HS3ST4: variants seen among roughly 807,000 people sequenced by gnomAD.
HS3ST4 encodes the protein heparan sulfate glucosamine 3-O-sulfotransferase 4.
Under a neutral mutation model 29.2 loss-of-function variants are expected in HS3ST4, and 17 were observed. The ratio of observed to expected loss-of-function variants is 0.58; its 90% CI spans 0.40 to 0.87. The LOEUF is 0.87. Among genes scored for constraint, HS3ST4 ranks in the 40% least tolerant of loss-of-function variants. The pLI, the probability that HS3ST4 is intolerant of heterozygous loss-of-function variation, is 0.00. For synonymous variants in HS3ST4, 314 were observed against 285.7 expected (o/e 1.10, Z -1.00); for missense variants, 627 against 634.5 (o/e 0.99, Z 0.13).
At chr16:25,966,013 T>C (rs1295020801) in intron 1 of HS3ST4, among the ~76,000 whole-genome samples, 1 of 152,186 alleles carries the variant, frequency 6.6e-6, no homozygotes, top group Non-Finnish European at 1.5e-5. Flanking sequence ...ATCTCTACTT[T>C]GAAAAATGGT....
chr16:25,895,812 GC>G (rs2141671053), intron 1 of HS3ST4, among the ~76,000 whole-genome samples: 1 of 152,126 alleles, frequency 6.6e-6, no homozygotes, highest in Non-Finnish European at 1.5e-5. Flanking sequence ...ATTCCTGAGG[GC>G]CCCCATGACC....
intron 1 of HS3ST4, among the ~76,000 whole-genome samples, chr16:26,101,012 T>C (rs1328408187): frequency 6.6e-6 from 1 of 152,194 alleles, no homozygotes; most frequent in Non-Finnish European, 1.5e-5. Flanking sequence ...ATCTGCCCCG[T>C]TACTAAAGCC....
At chr16:25,984,708 A>G (rs1039682943) in intron 1 of HS3ST4, among the ~76,000 whole-genome samples, 2 of 152,226 alleles carry the variant, frequency 1.3e-5, no homozygotes, top group Non-Finnish European at 2.9e-5. Context: ...AATGCCCTCC[A>G]GTTCCATCCA....
intron 1 of HS3ST4, chr16:26,062,874 C>T: frequency 3.8e-6 from 1 of 264,152 alleles, no homozygotes; most frequent in South Asian, 5.0e-5. Context: ...ACTACATATT[C>T]TGGCACCAAA....
intron 1 of HS3ST4, chr16:26,025,238 G>A (rs1284632230): frequency 2.6e-5 from 4 of 154,632 alleles, no homozygotes; most frequent in Admixed American, 6.5e-5. Flanking sequence ...GCCTAGTTAG[G>A]TTGGTGCAAA....
chr16:25,716,678 C>T (rs1009643917), intron 1 of HS3ST4, among the ~76,000 whole-genome samples: 6 of 152,328 alleles, frequency 3.9e-5, no homozygotes, highest in Middle Eastern at 6.8e-3. Context: ...TTCCAGGCAT[C>T]GTGCTGAGGG....
At chr16:25,896,195 G>A (rs1006715992) in intron 1 of HS3ST4, among the ~76,000 whole-genome samples, 1 of 152,218 alleles carries the variant, frequency 6.6e-6, no homozygotes, top group Non-Finnish European at 1.5e-5. Context: ...AGGATGCTGG[G>A]ATTGTCTGGG....
At chr16:25,818,880 T>G (rs1967120821) in intron 1 of HS3ST4, among the ~76,000 whole-genome samples, 1 of 152,086 alleles carries the variant, frequency 6.6e-6, no homozygotes, top group Non-Finnish European at 1.5e-5. Context: ...AGACAGAGGA[T>G]GGATTCAGAG....
chr16:25,749,947 G>T (rs1018679917), intron 1 of HS3ST4, among the ~76,000 whole-genome samples: 1 of 152,130 alleles, frequency 6.6e-6, no homozygotes, highest in African/African-American at 2.4e-5. Flanking sequence ...TGGCAATGTG[G>T]TATAACAAAT....
chr16:26,075,966 C>T (rs376131583), intron 1 of HS3ST4, among the ~76,000 whole-genome samples: 4 of 152,142 alleles, frequency 2.6e-5, no homozygotes, highest in African/African-American at 7.2e-5. Flanking sequence ...CTTTGTTTTC[C>T]GAGTATAATC....
intron 1 of HS3ST4, among the ~76,000 whole-genome samples, chr16:25,805,768 C>T (rs1449968571): frequency 6.6e-6 from 1 of 152,072 alleles, no homozygotes; most frequent in Non-Finnish European, 1.5e-5. Context: ...CACAGGTAAA[C>T]GTGTGCCATG....
chr16:25,937,138 T>C (rs1176333313), intron 1 of HS3ST4, among the ~76,000 whole-genome samples: 1 of 152,140 alleles, frequency 6.6e-6, no homozygotes, highest in Admixed American at 6.5e-5. Flanking sequence ...TTTTTCTTTT[T>C]TTTTTTGGTC....
chr16:25,860,999 C>T (rs1380844312), intron 1 of HS3ST4, among the ~76,000 whole-genome samples: 2 of 152,078 alleles, frequency 1.3e-5, no homozygotes, highest in Non-Finnish European at 2.9e-5. Flanking sequence ...CCTGTTCCTT[C>T]CTCTTAATTT....
intron 1 of HS3ST4, among the ~76,000 whole-genome samples, chr16:25,796,332 C>A (rs1181747798): frequency 6.6e-6 from 1 of 152,150 alleles, no homozygotes; most frequent in Non-Finnish European, 1.5e-5. Context: ...TAAATCCCAG[C>A]TGCCTCTTAA....
At chr16:25,863,565 C>T (rs1967660376) in intron 1 of HS3ST4, among the ~76,000 whole-genome samples, 1 of 152,184 alleles carries the variant, frequency 6.6e-6, no homozygotes, top group African/African-American at 2.4e-5. Flanking sequence ...ACGTAATCCT[C>T]TAAAAGCCTT....
At chr16:25,973,319 G>T (rs560607842) in intron 1 of HS3ST4, among the ~76,000 whole-genome samples, 3 of 152,322 alleles carry the variant, frequency 2.0e-5, no homozygotes, top group South Asian at 4.1e-4. Flanking sequence ...TTTATGATGA[G>T]AAATGCCGTA....
chr16:26,022,975 G>A (rs1969429520), intron 1 of HS3ST4, among the ~76,000 whole-genome samples: 1 of 152,080 alleles, frequency 6.6e-6, no homozygotes. Context: ...CCAGGAGGCG[G>A]AGGTTGCAAT....
chr16:25,706,681 C>G (rs1343125199), intron 1 of HS3ST4, among the ~76,000 whole-genome samples: 1 of 152,140 alleles, frequency 6.6e-6, no homozygotes, highest in Non-Finnish European at 1.5e-5. Flanking sequence ...AATGACCTCC[C>G]TGAAATGCCT....
intron 1 of HS3ST4, among the ~76,000 whole-genome samples, chr16:25,726,277 A>G (rs190383475): frequency 7.1e-4 from 108 of 152,300 alleles, no homozygotes; most frequent in African/African-American, 2.6e-3. Context: ...GTCCTAAAAC[A>G]TTGCAGTGAA....
Sources: allele counts gnomAD v4.1 joint callset (sites outside exome capture counted in the v4.1 genomes callset), GRCh38; gene constraint gnomAD v4.1.1; transcripts MANE v1.5; gene names NCBI Gene and HGNC (gene_info 2026-07-23, HGNC 2026-07-21).